The following CDH12 variants were observed in gnomAD, a reference collection of about 807,000 sequenced individuals.
CDH12 encodes the protein cadherin-12.
CDH12 carries 41 observed loss-of-function variants against 74.1 expected under a neutral mutation model. The observed-to-expected ratio is 0.55, with a 90% CI of 0.43 to 0.72. The LOEUF is 0.72. Ranked by LOEUF, CDH12 falls within the 30% of genes least tolerant of loss-of-function variation. The probability of loss-of-function intolerance (pLI) is 0.00; values close to 1 mark genes in which losing one functional copy is unlikely to be tolerated. For missense variants in CDH12, 945 were observed against 977.2 expected, an observed-to-expected ratio of 0.97 and a Z score of 0.44; for synonymous variants, 399 against 355.0, an observed-to-expected ratio of 1.12 and a Z score of -1.39.
chr5:22,263,370 TA>T (rs1307176184), intron 3 of CDH12, among the ~76,000 whole-genome samples: 2 of 151,852 alleles, frequency 1.3e-5, no homozygotes, highest in African/African-American at 2.4e-5. Flanking sequence ...AAGAGTAGGG[TA>T]AAGGATAGAA....
chr5:22,842,484 G>C (rs982398882), intron 1 of CDH12, among the ~76,000 whole-genome samples: 1 of 151,956 alleles, frequency 6.6e-6, no homozygotes, highest in Non-Finnish European at 1.5e-5. Flanking sequence ...GAGTTACAGA[G>C]ACAAAAAAAT....
chr5:22,182,962 A>T (rs1447710342), intron 4 of CDH12, among the ~76,000 whole-genome samples: 1 of 151,874 alleles, frequency 6.6e-6, no homozygotes, highest in African/African-American at 2.4e-5. Context: ...AGCATGGAGA[A>T]GTTTAGAAGA....
At chr5:21,979,501 T>C (rs1757215845) in intron 5 of CDH12, among the ~76,000 whole-genome samples, 1 of 152,176 alleles carries the variant, frequency 6.6e-6, no homozygotes, top group African/African-American at 2.4e-5. Context: ...CGCTTAAAAG[T>C]TTTGAGAAAG....
intron 3 of CDH12, among the ~76,000 whole-genome samples, chr5:22,311,780 C>A (rs1357625899): frequency 1.3e-5 from 2 of 151,480 alleles, no homozygotes; most frequent in Non-Finnish European, 2.9e-5. Flanking sequence ...AAGTTCGTGA[C>A]TGAAGTCTGA....
intron 5 of CDH12, among the ~76,000 whole-genome samples, chr5:22,016,890 A>G (rs907325872): frequency 6.6e-6 from 1 of 152,070 alleles, no homozygotes; most frequent in Admixed American, 6.6e-5. Context: ...ATAACTGGGG[A>G]TATTGAGACT....
chr5:21,843,743 A>C (rs986819068), intron 7 of CDH12, among the ~76,000 whole-genome samples: 1 of 152,032 alleles, frequency 6.6e-6, no homozygotes, highest in African/African-American at 2.4e-5. Context: ...TCCTTTCTTC[A>C]GCTCAGGCTC....
intron 1 of CDH12, among the ~76,000 whole-genome samples, chr5:22,513,212 G>T (rs550142026): frequency 1.3e-5 from 2 of 151,978 alleles, no homozygotes; most frequent in Admixed American, 1.3e-4. Context: ...TCCTTCAAAG[G>T]CAAAAGCAAC....
At chr5:22,017,176 C>A (rs1416364351) in intron 5 of CDH12, among the ~76,000 whole-genome samples, 2 of 152,036 alleles carry the variant, frequency 1.3e-5, no homozygotes, top group Admixed American at 6.6e-5. Flanking sequence ...TGTCCTTCCC[C>A]TTTTGTTCCT....
At chr5:22,038,200 C>A (rs534487025) in intron 5 of CDH12, among the ~76,000 whole-genome samples, 1 of 152,124 alleles carries the variant, frequency 6.6e-6, no homozygotes, top group Non-Finnish European at 1.5e-5. Context: ...GGCCTAATAC[C>A]CTTCCATCCT....
chr5:22,769,680 C>A (rs1344919370), intron 1 of CDH12, among the ~76,000 whole-genome samples: 1 of 152,038 alleles, frequency 6.6e-6, no homozygotes, highest in Non-Finnish European at 1.5e-5. Flanking sequence ...CCTATTAGTT[C>A]TATATTATCA....
At chr5:22,447,331 A>G (rs141203751) in intron 2 of CDH12, among the ~76,000 whole-genome samples, 10 of 152,126 alleles carry the variant, frequency 6.6e-5, no homozygotes, top group African/African-American at 1.9e-4. Flanking sequence ...GCACACATTG[A>G]CAGAGAGATC....
intron 6 of CDH12, among the ~76,000 whole-genome samples, chr5:21,873,427 G>A (rs1018570351): frequency 3.9e-5 from 6 of 152,158 alleles, no homozygotes; most frequent in Admixed American, 1.3e-4. Context: ...GGACACTGAT[G>A]TGCAGATGCC....
intron 3 of CDH12, among the ~76,000 whole-genome samples, chr5:22,237,031 A>G (rs935896267): frequency 1.6e-4 from 25 of 152,076 alleles, no homozygotes; most frequent in Non-Finnish European, 3.4e-4. Flanking sequence ...AAATATATAA[A>G]CCAGTAGCAT....
At chr5:21,882,671 G>T (rs1431193864) in intron 6 of CDH12, 2 of 1,604,156 alleles carry the variant, frequency 1.2e-6, no homozygotes, top group Non-Finnish European at 1.7e-6. Context: ...TTATGCCAAA[G>T]ATGTAAAATT....
At chr5:22,176,939 A>T (rs1214645861) in intron 4 of CDH12, among the ~76,000 whole-genome samples, 1 of 152,044 alleles carries the variant, frequency 6.6e-6, no homozygotes, top group East Asian at 1.9e-4. Context: ...TCATGCCTCA[A>T]CCAAGCTGCC....
At chr5:22,606,206 G>A (rs1408386367) in intron 1 of CDH12, among the ~76,000 whole-genome samples, 2 of 152,146 alleles carry the variant, frequency 1.3e-5, no homozygotes, top group African/African-American at 2.4e-5. Flanking sequence ...TTTAGGGACA[G>A]GATCTGGCCC....
Position 21,880,495 on chromosome 5 carries a change from CT to C in CDH12, c.527-25706del. On this transcript the variant is annotated intron_variant, in intron 6 of 14. Transcript: ENST00000382254. ...CCTTCCTTCCTTCCTTCCTTCCTTC[CT>C]TCCTTCCTCCCTCCCTCCCTCTTTT... Among the ~76,000 whole-genome samples the C allele has an allele frequency of 4.2e-5, 2 of 48,094 alleles. 1 individual carries two copies. The highest frequency in any genetic ancestry group is 9.9e-5 in the African/African-American group (2 of 20,182). 31.6% of individuals were successfully genotyped at this position (48,094 alleles called of 152,430 possible).
intron 1 of CDH12, among the ~76,000 whole-genome samples, chr5:22,748,529 GT>G (rs1745403762): frequency 6.6e-6 from 1 of 152,044 alleles, no homozygotes; most frequent in Admixed American, 6.6e-5. Context: ...GATGTATTTT[GT>G]TTTCTTCTGG....
At chr5:21,905,136 C>T (rs951109779) in intron 6 of CDH12, among the ~76,000 whole-genome samples, 8 of 152,100 alleles carry the variant, frequency 5.3e-5, no homozygotes, top group African/African-American at 1.9e-4. Context: ...TAAGTGGGTG[C>T]CGTAGAGCAC....
Sources: allele counts gnomAD v4.1 joint callset (sites outside exome capture counted in the v4.1 genomes callset), GRCh38; gene constraint gnomAD v4.1.1; transcripts MANE v1.5; gene names NCBI Gene and HGNC (gene_info 2026-07-23, HGNC 2026-07-21).